Variants in LDB2 observed in about 807,000 individuals in gnomAD.
LDB2 encodes the protein LIM domain binding 2, also known as LIM domain-binding protein 2.
A neutral mutation model predicts 44.3 loss-of-function variants in LDB2; 12 were observed. The observed-to-expected ratio is 0.27, with a 90% confidence interval of 0.17 to 0.44. LDB2 has a LOEUF of 0.44. Ranked by LOEUF, LDB2 falls within the 20% of genes least tolerant of loss-of-function variation. The probability of loss-of-function intolerance (pLI) is 1.00; values close to 1 mark genes in which losing one functional copy is unlikely to be tolerated. For missense variants in LDB2, 344 were observed against 473.5 expected, an observed-to-expected ratio of 0.73 and a Z score of 2.54; for synonymous variants, 164 against 174.8, an observed-to-expected ratio of 0.94 and a Z score of 0.49.
chr4:16,726,775 G>T (rs949794122), intron 2 of LDB2, among the ~76,000 whole-genome samples: 1 of 152,122 alleles, frequency 6.6e-6, no homozygotes, highest in Non-Finnish European at 1.5e-5. Context: ...GTTTTTGAAC[G>T]TTGGTTAGAA....
intron 2 of LDB2, among the ~76,000 whole-genome samples, chr4:16,725,907 T>C (rs1295800591): frequency 6.7e-6 from 1 of 148,316 alleles, no homozygotes; most frequent in African/African-American, 2.4e-5. Flanking sequence ...ATATATTATG[T>C]ATATATATGT....
chr4:16,865,985 C>A (rs1714578961), intron 1 of LDB2, among the ~76,000 whole-genome samples: 1 of 152,148 alleles, frequency 6.6e-6, no homozygotes, highest in Non-Finnish European at 1.5e-5. Flanking sequence ...AATCAGCTAC[C>A]CCCATTCAGG....
intron 1 of LDB2, among the ~76,000 whole-genome samples, chr4:16,768,985 A>G (rs1222286378): frequency 2.0e-5 from 3 of 152,166 alleles, no homozygotes; most frequent in Admixed American, 2.0e-4. Context: ...GCAAGTTTAG[A>G]CTCATGACTG....
chr4:16,509,772 C>T (rs954597418), intron 6 of LDB2, among the ~76,000 whole-genome samples: 1 of 152,142 alleles, frequency 6.6e-6, no homozygotes, highest in African/African-American at 2.4e-5. Context: ...GAGAAGGCAA[C>T]TCAGGGCTAC....
At chr4:16,788,373 T>C (rs1203358002) in intron 1 of LDB2, among the ~76,000 whole-genome samples, 1 of 152,190 alleles carries the variant, frequency 6.6e-6, no homozygotes, top group East Asian at 1.9e-4. Flanking sequence ...CTTCCCCACC[T>C]CAAGCAACCC....
chr4:16,588,269 C>T (rs1410009854), intron 4 of LDB2, among the ~76,000 whole-genome samples: 1 of 152,152 alleles, frequency 6.6e-6, no homozygotes, highest in Non-Finnish European at 1.5e-5. Context: ...ACTTCTGACA[C>T]AAATCTGAAG....
intron 5 of LDB2, among the ~76,000 whole-genome samples, chr4:16,535,151 G>T (rs1213809583): frequency 6.6e-6 from 1 of 152,198 alleles, no homozygotes; most frequent in Non-Finnish European, 1.5e-5. Flanking sequence ...TGAAGTAATT[G>T]CTAGTTCTCG....
intron 5 of LDB2, among the ~76,000 whole-genome samples, chr4:16,518,309 G>A (rs1286140903): frequency 2.0e-5 from 3 of 152,102 alleles, no homozygotes; most frequent in Non-Finnish European, 4.4e-5. Flanking sequence ...GTCAGAGTTG[G>A]CTGTGAACTA....
rs531440453 is a variant in LDB2, at chr4:16,784,948, A to G, written c.133-25688T>C. On this transcript the variant is annotated intron_variant, in intron 1 of 7. Transcript: ENST00000304523. ...GCTCTGCCACCCTTAAATACCCTCC[A>G]TTCTCCCACAGCACCTAGATTATTA... Among the ~76,000 whole-genome samples, 179 of 151,738 alleles carry G rather than the reference A, an allele frequency of 1.2e-3. 2 individuals carry two copies. The highest frequency in any genetic ancestry group is 4.1e-3 in the African/African-American group (168 of 41,386).
chr4:16,773,332 C>T (rs1196141543), intron 1 of LDB2, among the ~76,000 whole-genome samples: 2 of 152,136 alleles, frequency 1.3e-5, no homozygotes, highest in East Asian at 3.9e-4. Flanking sequence ...TTTATTTCTA[C>T]TATTATTACA....
chr4:16,649,033 C>G (rs1413070346), intron 2 of LDB2, among the ~76,000 whole-genome samples: 1 of 152,162 alleles, frequency 6.6e-6, no homozygotes, highest in Admixed American at 6.5e-5. Context: ...TAGAAAACTA[C>G]TTTCTTATGT....
At chr4:16,598,055 G>A (rs529529952) in intron 2 of LDB2, among the ~76,000 whole-genome samples, 1 of 152,182 alleles carries the variant, frequency 6.6e-6, no homozygotes, top group South Asian at 2.1e-4. Context: ...TAGTCACAAA[G>A]GTTCATTATC....
chr4:16,675,708 T>A (rs9996120), intron 2 of LDB2, among the ~76,000 whole-genome samples: 13,139 of 152,248 alleles, frequency 0.086, 674 homozygotes, highest in African/African-American at 0.14. Context: ...TGTCTTAATA[T>A]ATTAATAGCA....
intron 1 of LDB2, among the ~76,000 whole-genome samples, chr4:16,885,722 G>A (rs553488526): frequency 2.1e-4 from 32 of 152,260 alleles, no homozygotes; most frequent in Middle Eastern, 6.8e-3. Context: ...TTACGTGCTC[G>A]CTGCCTTTTG....
intron 3 of LDB2, among the ~76,000 whole-genome samples, chr4:16,592,489 T>C (rs1159458536): frequency 5.2e-5 from 5 of 96,992 alleles, no homozygotes; most frequent in Admixed American, 1.9e-4. Context: ...TATATATATA[T>C]ATATATATAT....
chr4:16,685,722 C>T (rs1320253858), intron 2 of LDB2, among the ~76,000 whole-genome samples: 5 of 152,110 alleles, frequency 3.3e-5, no homozygotes, highest in Non-Finnish European at 7.4e-5. Flanking sequence ...CCTCAGAATC[C>T]GGAAGCATTC....
chr4:16,664,071 T>G (rs1233987503), intron 2 of LDB2, among the ~76,000 whole-genome samples: 1 of 152,112 alleles, frequency 6.6e-6, no homozygotes. Context: ...ATGTCTTCTA[T>G]AGTCTGAAGG....
intron 1 of LDB2, among the ~76,000 whole-genome samples, chr4:16,867,123 GCA>G (rs1714989446): frequency 6.6e-6 from 1 of 152,154 alleles, no homozygotes; most frequent in African/African-American, 2.4e-5. Context: ...GAAGTCCAAG[GCA>G]CAGTCAGGAG....
intron 4 of LDB2, among the ~76,000 whole-genome samples, chr4:16,587,761 T>G (rs1013626725): frequency 3.4e-4 from 51 of 152,150 alleles, no homozygotes; most frequent in African/African-American, 1.2e-3. Flanking sequence ...TTGCTACTTT[T>G]GGGCTAAAAA....
Sources: gnomAD v4.1 joint callset for allele counts (sites outside exome capture counted in the v4.1 genomes callset) on GRCh38, gnomAD v4.1.1 for gene constraint, MANE v1.5 for transcripts, NCBI Gene and HGNC (gene_info 2026-07-23, HGNC 2026-07-21) for gene names.